PKIB: variants seen among roughly 807,000 people sequenced by gnomAD.
PKIB encodes the protein PKI-beta.
A neutral mutation model predicts 4.5 loss-of-function variants in PKIB; 2 were observed. The ratio of observed to expected loss-of-function variants is 0.44; its 90% CI spans 0.18 to 1.39. PKIB has a LOEUF of 1.39. Among genes scored for constraint, PKIB ranks in the 40% most tolerant of loss-of-function variants. The probability of loss-of-function intolerance (pLI) is 0.27; values close to 1 mark genes in which losing one functional copy is unlikely to be tolerated. For synonymous variants in PKIB, 38 were observed against 36.0 expected (o/e 1.06, Z -0.20); for missense variants, 94 against 92.6 (o/e 1.02, Z -0.06).
intron 2 of PKIB, among the ~76,000 whole-genome samples, chr6:122,501,917 G>A (rs916134771): frequency 6.8e-6 from 1 of 146,704 alleles, no homozygotes; most frequent in Admixed American, 6.8e-5. Flanking sequence ...GCTTTTAGAA[G>A]CAGCCAGGCC....
At chr6:122,521,783 T>G (rs886349489) in intron 2 of PKIB, among the ~76,000 whole-genome samples, 2 of 152,202 alleles carry the variant, frequency 1.3e-5, no homozygotes, top group Non-Finnish European at 2.9e-5. Context: ...CTTTTTCACT[T>G]TTTTTATTTG....
At chr6:122,502,595 GA>G (rs1776275727) in intron 2 of PKIB, among the ~76,000 whole-genome samples, 1 of 152,078 alleles carries the variant, frequency 6.6e-6, no homozygotes, top group African/African-American at 2.4e-5. Context: ...CACAAGAGCA[GA>G]AAGGGGAAAG....
At chr6:122,546,120 G>A (rs1338842434) in intron 2 of PKIB, among the ~76,000 whole-genome samples, 2 of 152,064 alleles carry the variant, frequency 1.3e-5, no homozygotes, top group African/African-American at 4.8e-5. Context: ...AGGCAAATCA[G>A]GTCTTCAGCT....
intron 2 of PKIB, chr6:122,480,888 G>T (rs1036538330): frequency 1.3e-5 from 2 of 151,194 alleles, no homozygotes; most frequent in Non-Finnish European, 2.9e-5. Context: ...AAGTGATATT[G>T]TACATACCAC....
At chr6:122,607,145 C>T (rs959685668), upstream of PKIB, among the ~76,000 whole-genome samples, 1 of 150,764 alleles carries the variant, frequency 6.6e-6, no homozygotes, top group Non-Finnish European at 1.5e-5. Flanking sequence ...AATGCAGGGA[C>T]AGGGGAGCAT....
intron 2 of PKIB, among the ~76,000 whole-genome samples, chr6:122,673,727 T>G (rs1319561802): frequency 6.6e-6 from 1 of 152,208 alleles, no homozygotes; most frequent in Non-Finnish European, 1.5e-5. Flanking sequence ...GCACTCCTCC[T>G]ACCATCTGTG....
chr6:122,715,372 A>G (rs1779441637), intron 3 of PKIB, among the ~76,000 whole-genome samples: 1 of 152,050 alleles, frequency 6.6e-6, no homozygotes, highest in Admixed American at 6.6e-5. Flanking sequence ...ACACAGGAAG[A>G]GATACTTGCA....
At position 122,492,708 on chromosome 6, in the gene PKIB, G is replaced by A. The variant is rs529089981; in HGVS notation, c.-248+14769G>A. Among the ~76,000 whole-genome samples the A allele has an allele frequency of 3.7e-4, 56 of 150,748 alleles. 2 individuals carry two copies. In the South Asian group the frequency reaches 0.012, roughly 32 times the overall value. Reference sequence around the variant, plus strand: ...TATATTTTTCTGTAAAGTAATTTAAGCATAAGAGGTTATGAGTTTGCCCCA... The same window carrying A: ...TATATTTTTCTGTAAAGTAATTTAAACATAAGAGGTTATGAGTTTGCCCCA... On this transcript the variant is annotated intron_variant, in intron 2 of 6. Coordinates refer to the PKIB transcript ENST00000392491.
chr6:122,537,694 G>A lies in PKIB; in HGVS notation c.-247-48227G>A, dbSNP rs191547159. 2.8e-3 allele frequency among the ~76,000 whole-genome samples: 425 copies of A among 151,578 alleles called. 5 individuals carry two copies. Among genetic ancestry groups the A allele is most frequent in the South Asian group, 0.028 (134 of 4,816 alleles). ...TTTATAATCCTTTGGGTATATACCC[G>A]TAAGGGGATGGCTGGGTCAAAGGGT... On this transcript the variant is annotated intron_variant, in intron 2 of 6. Coordinates refer to the PKIB transcript ENST00000392491.
At chr6:122,508,059 T>C (rs1311805881) in intron 2 of PKIB, among the ~76,000 whole-genome samples, 3 of 152,206 alleles carry the variant, frequency 2.0e-5, no homozygotes, top group Admixed American at 6.5e-5. Context: ...TTGAGAATTA[T>C]AGGGAATGCT....
At chr6:122,550,896 C>T (rs1190568582) in intron 2 of PKIB, among the ~76,000 whole-genome samples, 2 of 152,082 alleles carry the variant, frequency 1.3e-5, no homozygotes, top group African/African-American at 2.4e-5. Context: ...TTTATTTTAC[C>T]GTATCACTGC....
At chr6:122,474,101 C>A (rs1369419577) in intron 1 of PKIB, among the ~76,000 whole-genome samples, 9 of 152,210 alleles carry the variant, frequency 5.9e-5, no homozygotes, top group Non-Finnish European at 1.2e-4. Flanking sequence ...CCACTGCACT[C>A]CGGCCTAGGT....
intron 2 of PKIB, among the ~76,000 whole-genome samples, chr6:122,648,128 G>T (rs1488209026): frequency 6.6e-6 from 1 of 152,178 alleles, no homozygotes; most frequent in East Asian, 1.9e-4. Context: ...TCAGAGGTCT[G>T]GGGAGCCCAA....
chr6:122,683,415 A>G (rs1388059532), intron 3 of PKIB, among the ~76,000 whole-genome samples: 1 of 152,098 alleles, frequency 6.6e-6, no homozygotes, highest in African/African-American at 2.4e-5. Flanking sequence ...TCTTGAGGGA[A>G]TTCACTATTA....
At chr6:122,583,670 C>A (rs1175578834) in intron 2 of PKIB, among the ~76,000 whole-genome samples, 1 of 152,068 alleles carries the variant, frequency 6.6e-6, no homozygotes, top group Non-Finnish European at 1.5e-5. Flanking sequence ...ATCTTCTTGG[C>A]ACAAATATCA....
At chr6:122,475,186 C>G (rs1301353821) in intron 1 of PKIB, among the ~76,000 whole-genome samples, 1 of 152,198 alleles carries the variant, frequency 6.6e-6, no homozygotes, top group African/African-American at 2.4e-5. Context: ...TCTCAGCTCA[C>G]TGCAACCTCA....
intron 2 of PKIB, among the ~76,000 whole-genome samples, chr6:122,670,573 T>G (rs1219309288): frequency 1.3e-5 from 2 of 152,174 alleles, no homozygotes; most frequent in African/African-American, 4.8e-5. Flanking sequence ...ATGAAGTCTC[T>G]GTTTCAATAT....
intron 2 of PKIB, chr6:122,479,267 A>C (rs1274820413): frequency 6.6e-6 from 1 of 152,146 alleles, no homozygotes; most frequent in East Asian, 1.9e-4. Context: ...GACTCTCAGA[A>C]GCTCTGTCCC....
intron 3 of PKIB, among the ~76,000 whole-genome samples, chr6:122,697,050 C>A (rs751635043): frequency 1.3e-5 from 2 of 152,140 alleles, no homozygotes; most frequent in Non-Finnish European, 2.9e-5. Flanking sequence ...GCACACCTTG[C>A]AGGGCCACAC....
Sources: gnomAD v4.1 joint callset for allele counts (sites outside exome capture counted in the v4.1 genomes callset) on GRCh38, gnomAD v4.1.1 for gene constraint, MANE v1.5 for transcripts, NCBI Gene and HGNC (gene_info 2026-07-23, HGNC 2026-07-21) for gene names.